Variants in MMUT observed in about 807,000 individuals in gnomAD.
MMUT encodes the protein methylmalonyl-CoA mutase.
Under a neutral mutation model 79.9 loss-of-function variants are expected in MMUT, and 79 were observed. The observed-to-expected ratio is 0.99, with a 90% confidence interval of 0.82 to 1.19. The LOEUF (loss-of-function observed/expected upper bound fraction) is 1.19, where lower values mean the gene tolerates loss of function less well. Ranked by LOEUF, MMUT falls within the 50% of genes most tolerant of loss-of-function variation. The pLI is 0.00. For missense variants in MMUT, 860 were observed against 917.2 expected (o/e 0.94, Z 0.81); for synonymous variants, 273 against 295.7 (o/e 0.92, Z 0.79).
chr6:49,461,131 G>A (rs1226436166), intron 1 of MMUT, among the ~76,000 whole-genome samples: 1 of 152,102 alleles, frequency 6.6e-6, no homozygotes, highest in African/African-American at 2.4e-5. Context: ...TTAGAAAGCT[G>A]GCAAAACTAA....
chr6:49,458,104 C>T (rs1289584822), intron 2 of MMUT, 46 bp from the exon 3 acceptor site: 1 of 1,580,610 alleles, frequency 6.3e-7, no homozygotes, highest in Non-Finnish European at 8.6e-7. Context: ...AGTCTGGAAT[C>T]AAGGTAAAAT....
intron 11 of MMUT, among the ~76,000 whole-genome samples, chr6:49,438,205 C>A (rs1485455776): frequency 2.6e-5 from 4 of 151,966 alleles, no homozygotes; most frequent in Non-Finnish European, 5.9e-5. Context: ...AAAATTATTA[C>A]AATGTACTTT....
intron 5 of MMUT, 38 bp downstream of exon 5, chr6:49,453,545 TAA>T: frequency 8.0e-7 from 1 of 1,252,244 alleles, no homozygotes; most frequent in Middle Eastern, 2.3e-4. Context: ...TATATATATA[TAA>T]CTTTATTAAA....
In MMUT at chr6:49,451,579, T is replaced by A. The variant is rs576536579; in HGVS notation, c.1219A>T (p.Asn407Tyr). 6.2e-7 allele frequency: 1 copy of A among 1,614,196 alleles called. No homozygotes were observed. The highest frequency in any genetic ancestry group is 2.2e-5 in the East Asian group (1 of 44,876). The part of the protein sequence containing the change: ...PTVKSARIAR[N>Y]TQIIIQEESG... ...TCTTCTTGAATGATGATTTGTGTGT[T>A]CCTGGCAATTCGAGCACTTTTCACA... Residue 407 changes from asparagine to tyrosine, a missense_variant, in exon 6 of 13, where the codon AAC becomes TAC. Coordinates refer to ENST00000274813, the MANE Select transcript of MMUT (RefSeq NM_000255.4).
At chr6:49,445,277 A>G (rs1222254320) in intron 8 of MMUT, among the ~76,000 whole-genome samples, 3 of 152,196 alleles carry the variant, frequency 2.0e-5, no homozygotes, top group Non-Finnish European at 4.4e-5. Flanking sequence ...AGAAAAAGAT[A>G]TACAATGAAA....
chr6:49,443,965 T>C (rs1767344619), intron 9 of MMUT, among the ~76,000 whole-genome samples: 1 of 152,198 alleles, frequency 6.6e-6, no homozygotes. Context: ...TTAAATACTG[T>C]AGAGAATTCA....
intron 12 of MMUT, among the ~76,000 whole-genome samples, chr6:49,433,201 A>C (rs1423261251): frequency 6.6e-6 from 1 of 152,176 alleles, no homozygotes. Context: ...GAAACATGTA[A>C]TAATAATCAT....
At chr6:49,456,733 T>A (rs1331841773) in intron 3 of MMUT, among the ~76,000 whole-genome samples, 1 of 152,124 alleles carries the variant, frequency 6.6e-6, no homozygotes. Context: ...GGAAAAAAAA[T>A]AAAATGATTT....
In MMUT at chr6:49,448,933, A is replaced by G. The variant is rs1354946204; in HGVS notation, c.1333-6T>C. 2 of 1,576,702 alleles carry G rather than the reference A, an allele frequency of 1.3e-6. No individual in the cohort carries two copies. Among genetic ancestry groups the G allele is most frequent in the Non-Finnish European group, 1.7e-6 (2 of 1,146,046 alleles). On this transcript the variant is annotated splice_region_variant and splice_polypyrimidine_tract_variant and intron_variant, in intron 6 of 12. Transcript: ENST00000274813. The stretch of plus-strand genomic sequence containing the variant: ...TCTTCAATTTCATTAATGAGCTAAA[A>G]AGAAAAACATTAACAAAACTAAAAG...
Position 49,435,639 on chromosome 6 carries a change from G to A in MMUT, c.1957-16C>T. 6.2e-7 allele frequency: 1 copy of A among 1,610,214 alleles called. No individual in the cohort carries two copies. Among genetic ancestry groups the A allele is most frequent in the Non-Finnish European group, 8.5e-7 (1 of 1,177,956 alleles). On this transcript the variant is annotated splice_polypyrimidine_tract_variant and intron_variant, in intron 11 of 12. Transcript: ENST00000274813. ...CACGAGGAGTCTAAACAGTCAGAAA[G>A]TAAAGATAAATCATTGTTTATTACT...
rs1561952265 is a variant in MMUT, at chr6:49,440,513, A to G, written c.1809-160T>C. 3.3e-5 allele frequency among the ~76,000 whole-genome samples: 5 copies of G among 151,832 alleles called. No homozygotes were observed. The South Asian group carries it at 8.3e-4, about 25-fold the overall frequency. On this transcript the variant is annotated intron_variant, in intron 10 of 12. Coordinates refer to ENST00000274813, the MANE Select transcript of MMUT (RefSeq NM_000255.4). ...GTTTTTTTTTTCCAATTTTTATTTT[A>G]CATTCAGGGGTTAATGTGCAGGCTT...
intron 6 of MMUT, 79 bp downstream of exon 6, chr6:49,451,387 G>A: frequency 6.9e-7 from 1 of 1,451,096 alleles, no homozygotes; most frequent in Non-Finnish European, 9.4e-7. Context: ...TATAAATCTT[G>A]ACTTGTAAGT....
Position 49,456,210 on chromosome 6 carries a change from T to C in MMUT, c.781A>G (p.Ile261Val), listed in dbSNP as rs375054307. 4.2e-5 allele frequency: 68 copies of C among 1,611,504 alleles called. No homozygotes were observed. In the African/African-American group the frequency reaches 5.6e-4, roughly 13 times the overall value. ...KHMPKFNSIS[I>V]SGYHMQEAGA... is the part of the protein sequence containing the mutation. ...GCTTCCTGCATATGGTATCCACTAA[T>C]TGAAATTGAATTAAATTTTGGCATG... The change falls in exon 4 of 13, where the codon ATT becomes GTT. Residue 261 changes from isoleucine (I) to valine (V), a missense_variant. By Grantham distance (29) the Ile-to-Val change is conservative (BLOSUM62 3). Coordinates refer to ENST00000274813, the MANE Select transcript of MMUT (RefSeq NM_000255.4).
At chr6:49,457,259 A>C (rs563987407) in intron 3 of MMUT, among the ~76,000 whole-genome samples, 19 of 152,350 alleles carry the variant, frequency 1.2e-4, no homozygotes, top group African/African-American at 4.1e-4. Flanking sequence ...AGATGAGCCT[A>C]ATTCAAGGGT....
intron 10 of MMUT, among the ~76,000 whole-genome samples, chr6:49,440,582 C>T (rs1767249400): frequency 6.6e-6 from 1 of 151,884 alleles, no homozygotes; most frequent in Non-Finnish European, 1.5e-5. Context: ...CTGCATAGAT[C>T]ACCCCATCAC....
At chr6:49,440,558 G>A (rs1007174916) in intron 10 of MMUT, among the ~76,000 whole-genome samples, 2 of 151,696 alleles carry the variant, frequency 1.3e-5, no homozygotes, top group Non-Finnish European at 2.9e-5. Flanking sequence ...TTAAACACGT[G>A]CCATGGTAAA....
chr6:49,457,709 T>C lies in MMUT; in HGVS notation c.735A>G (p.Ile245Met), dbSNP rs750899217. The C allele has an allele frequency of 6.2e-7, 1 of 1,611,072 alleles. No homozygotes were observed. Among genetic ancestry groups the C allele is most frequent in the South Asian group, 1.1e-5 (1 of 90,636 alleles). ...PEPSMKIIAD[I>M]FEYTAKHMPK... The stretch of plus-strand genomic sequence containing the variant: ...AGTATACCTTTGCTGTATATTCAAA[T>C]ATGTCAGCAATAATTTTCATGGATG... Residue 245 changes from isoleucine to methionine, a missense_variant, in exon 3 of 13, where the codon ATA becomes ATG. Coordinates refer to ENST00000274813, the MANE Select transcript of MMUT (RefSeq NM_000255.4).
chr6:49,451,340 T>G (rs917588132), intron 6 of MMUT, 126 bp downstream of exon 6: 1 of 1,127,298 alleles, frequency 8.9e-7, no homozygotes, highest in African/African-American at 1.6e-5. Context: ...AATTATTATA[T>G]AAATCTGTAA....
At chr6:49,444,272 A>T (rs922063908) in intron 9 of MMUT, among the ~76,000 whole-genome samples, 3 of 152,090 alleles carry the variant, frequency 2.0e-5, no homozygotes, top group Non-Finnish European at 4.4e-5. Context: ...TTCTCAGATT[A>T]ATGTTCCCCT....
Sources: allele counts gnomAD v4.1 joint callset (sites outside exome capture counted in the v4.1 genomes callset), GRCh38; gene constraint gnomAD v4.1.1; transcripts MANE v1.5; gene names NCBI Gene and HGNC (gene_info 2026-07-23, HGNC 2026-07-21).